KDM3B: variants seen among roughly 807,000 people sequenced by gnomAD.
The protein encoded by KDM3B is lysine demethylase 3B.
KDM3B carries 10 observed loss-of-function variants against 170.0 expected under a neutral mutation model. The observed-to-expected ratio is 0.06, with a 90% CI of 0.04 to 0.10. KDM3B has a LOEUF of 0.10. Ranked by LOEUF, KDM3B falls within the 10% of genes least tolerant of loss-of-function variation. The pLI, the probability that KDM3B is intolerant of heterozygous loss-of-function variation, is 1.00. For missense variants in KDM3B, 1,394 were observed against 2,195.2 expected (o/e 0.64, Z 7.29); for synonymous variants, 831 against 834.8 (o/e 1.00, Z 0.08).
intron 11 of KDM3B, among the ~76,000 whole-genome samples, chr5:138,400,897 T>TC (rs200746557): frequency 8.6e-5 from 7 of 80,966 alleles, no homozygotes; most frequent in African/African-American, 1.2e-4. Context: ...CTTTTTTCTC[T>TC]TTTTTTTTTT....
chr5:138,382,444 T>A (rs1432568890), intron 6 of KDM3B, among the ~76,000 whole-genome samples: 1 of 151,788 alleles, frequency 6.6e-6, no homozygotes, highest in Non-Finnish European at 1.5e-5. Context: ...AGAGCAAGAC[T>A]CCGTCTCAAA....
At chr5:138,417,690 A>T in intron 13 of KDM3B, 80 bp downstream of exon 13, 1 of 1,429,492 alleles carries the variant, frequency 7.0e-7, no homozygotes. Flanking sequence ...CAACTCTGTT[A>T]TGCCAGGCTA....
At chr5:138,372,559 C>A in intron 1 of KDM3B, 115 bp from the exon 2 acceptor site, 1 of 884,494 alleles carries the variant, frequency 1.1e-6, no homozygotes, top group Non-Finnish European at 1.7e-6. Context: ...AACTTAAACA[C>A]AAGTTAGAAT....
At chr5:138,398,572 A>G (rs975042853) in intron 10 of KDM3B, among the ~76,000 whole-genome samples, 180 bp downstream of exon 10, 2 of 152,186 alleles carry the variant, frequency 1.3e-5, no homozygotes, top group African/African-American at 4.8e-5. Context: ...AGCAGACCTC[A>G]TTCTTTCAGT....
At chr5:138,360,271 C>T (rs1761562362) in intron 1 of KDM3B, among the ~76,000 whole-genome samples, 1 of 152,112 alleles carries the variant, frequency 6.6e-6, no homozygotes, top group Non-Finnish European at 1.5e-5. Flanking sequence ...TACCTTGATA[C>T]TTATGCTCTA....
At chr5:138,380,356 A>C (rs1762097146) in intron 5 of KDM3B, among the ~76,000 whole-genome samples, 1 of 149,040 alleles carries the variant, frequency 6.7e-6, no homozygotes, top group Admixed American at 6.7e-5. Flanking sequence ...TATATGATAT[A>C]TATAATTTAT....
chr5:138,398,061 A>C (rs1762590375), intron 9 of KDM3B, 117 bp from the exon 10 acceptor site: 1 of 765,328 alleles, frequency 1.3e-6, no homozygotes, highest in Non-Finnish European at 2.2e-6. Flanking sequence ...TCGACTGGTG[A>C]AAATTCTTAG....
chr5:138,431,885 C>G (rs1350842724), intron 23 of KDM3B, among the ~76,000 whole-genome samples: 7 of 150,196 alleles, frequency 4.7e-5, no homozygotes, highest in African/African-American at 1.7e-4. Context: ...GCACTCCAGC[C>G]TGGGCAACAG....
chr5:138,410,660 G>A (rs900021139), intron 11 of KDM3B, among the ~76,000 whole-genome samples: 30 of 151,928 alleles, frequency 2.0e-4, no homozygotes, highest in South Asian at 2.1e-4. Context: ...TAGTGGCCCC[G>A]AATGTCTGGC....
intron 11 of KDM3B, 62 bp downstream of exon 11, chr5:138,400,074 G>A: frequency 6.5e-7 from 1 of 1,548,794 alleles, no homozygotes; most frequent in Non-Finnish European, 8.8e-7. Context: ...AAGATGTTGT[G>A]GGATTTGAAA....
chr5:138,399,772 A>G, intron 10 of KDM3B, 88 bp from the exon 11 acceptor site: 2 of 1,242,364 alleles, frequency 1.6e-6, no homozygotes, highest in Non-Finnish European at 2.2e-6. Flanking sequence ...TTGCTGAACA[A>G]AATAGCTTGA....
Position 138,427,986 on chromosome 5 carries a change from T to C in KDM3B, c.4653T>C (p.Asp1551=), listed in dbSNP as rs776000739. The change falls in exon 20 of 24, where the codon GAT becomes GAC. Residue 1551 remains aspartate (D), a synonymous_variant. Coordinates refer to ENST00000314358, the MANE Select transcript of KDM3B (RefSeq NM_016604.4). Reference sequence around the variant, plus strand: ...CTTTAGGGTTGATAACAGCAGAAGATAGAAGAGTTGGTACAACAAATCTTC... The same window carrying C: ...CTTTAGGGTTGATAACAGCAGAAGACAGAAGAGTTGGTACAACAAATCTTC... The part of the protein sequence containing the change: ...YNAYGLITAE[D]RRVGTTNLHL... The C allele has an allele frequency of 3.7e-6, 6 of 1,613,472 alleles. No individual in the cohort carries two copies. In the African/African-American group the frequency reaches 5.3e-5, roughly 14 times the overall value.
In KDM3B at chr5:138,379,715, C is replaced by T; in HGVS notation, c.705+7C>T. 6.2e-7 allele frequency: 1 copy of T among 1,612,260 alleles called. No individual in the cohort carries two copies. The highest frequency in any genetic ancestry group is 1.7e-4 in the Middle Eastern group (1 of 6,036). On this transcript the variant is annotated splice_region_variant and intron_variant, in intron 5 of 23. Transcript: ENST00000314358. Reference sequence around the variant, plus strand: ...GGAGGTGTCTGTAACTGAGGTGAGACTCTGTGTTATTCTGTCTAAGGTCCA... The same window carrying T: ...GGAGGTGTCTGTAACTGAGGTGAGATTCTGTGTTATTCTGTCTAAGGTCCA...
chr5:138,376,565 G>A (rs1762004270), intron 3 of KDM3B, among the ~76,000 whole-genome samples: 1 of 151,986 alleles, frequency 6.6e-6, no homozygotes, highest in African/African-American at 2.4e-5. Flanking sequence ...TTAGCTGGGT[G>A]TCGTGGTGGA....
Position 138,425,448 on chromosome 5 carries a change from C to G in KDM3B, c.4277C>G (p.Ser1426Cys). 6.2e-7 allele frequency: 1 copy of G among 1,614,104 alleles called. No homozygotes were observed. The highest frequency in any genetic ancestry group is 8.5e-7 in the Non-Finnish European group (1 of 1,179,992). Residue 1426 changes from serine to cysteine, a missense_variant, in exon 17 of 24, where the codon TCT becomes TGT. Physicochemically the swap from Ser to Cys is moderately radical, Grantham distance 112. Transcript: ENST00000314358. Reference sequence around the variant, plus strand: ...TCGGGGGTACATAAAAAGCTCAAGTCTGAGCTCTGGAAGCCAGAAGCCTTT... The same window carrying G: ...TCGGGGGTACATAAAAAGCTCAAGTGTGAGCTCTGGAAGCCAGAAGCCTTT... Reference protein sequence around the residue: ...LVSGVHKKLKSELWKPEAFSQ... With the variant: ...LVSGVHKKLKCELWKPEAFSQ...
At chr5:138,375,647 G>A (rs538201549) in intron 3 of KDM3B, among the ~76,000 whole-genome samples, 3 of 152,088 alleles carry the variant, frequency 2.0e-5, no homozygotes, top group African/African-American at 7.2e-5. Context: ...CAAAGTGCTG[G>A]GATTACAGGC....
chr5:138,391,883 A>G lies in KDM3B; in HGVS notation c.2251A>G (p.Thr751Ala), dbSNP rs1195668309. ...LSSSPTEERPTVGPGQQDNPL... is the reference protein window; with the variant it reads ...LSSSPTEERPAVGPGQQDNPL... ...CTCTAGCCCCACAGAGGAGAGGCCA[A>G]CTGTGGGGCCTGGGCAGCAGGACAA... is the stretch of plus-strand genomic sequence containing the variant. Residue 751 changes from threonine (T) to alanine (A), a missense_variant, in exon 8 of 24, where the codon ACT (threonine) becomes GCT (alanine). This residue lies in a region of KDM3B where 294 missense variants were observed against 311.7 expected (regional missense o/e 0.94). Coordinates refer to ENST00000314358, the MANE Select transcript of KDM3B (RefSeq NM_016604.4). The surrounding 1 kb of genome is among the most constrained non-coding windows in gnomAD (Gnocchi z 5.0). The G allele has an allele frequency of 6.2e-7, 1 of 1,613,924 alleles. No homozygotes were observed. Among genetic ancestry groups the G allele is most frequent in the Non-Finnish European group, 8.5e-7 (1 of 1,179,944 alleles).
At chr5:138,358,267 C>G (rs1761504589) in intron 1 of KDM3B, among the ~76,000 whole-genome samples, 2 of 151,002 alleles carry the variant, frequency 1.3e-5, no homozygotes, top group African/African-American at 2.4e-5. Flanking sequence ...CAGGCCTGAA[C>G]CACCGCGCTC....
intron 3 of KDM3B, among the ~76,000 whole-genome samples, chr5:138,376,581 G>T (rs1264923236): frequency 6.6e-6 from 1 of 151,994 alleles, no homozygotes; most frequent in Non-Finnish European, 1.5e-5. Flanking sequence ...GTGGACGCCT[G>T]TAGTCCCAGC....
Sources: allele counts gnomAD v4.1 joint callset (sites outside exome capture counted in the v4.1 genomes callset), GRCh38; gene constraint gnomAD v4.1.1; regional missense constraint gnomAD v4.1.1; non-coding constraint Gnocchi (gnomAD v3.1); transcripts MANE v1.5; gene names NCBI Gene and HGNC (gene_info 2026-07-23, HGNC 2026-07-21).